MAST2: variants seen among roughly 807,000 people sequenced by gnomAD.
MAST2 encodes microtubule-associated serine/threonine-protein kinase 2.
MAST2 carries 70 observed loss-of-function variants against 147.4 expected under a neutral mutation model. The observed-to-expected ratio is 0.47, with a 90% CI of 0.39 to 0.58. The LOEUF (loss-of-function observed/expected upper bound fraction) is 0.58. Ranked by LOEUF, MAST2 falls within the 20% of genes least tolerant of loss-of-function variation. The pLI, the probability that MAST2 is intolerant of heterozygous loss-of-function variation, is 0.00. For synonymous variants in MAST2, 869 were observed against 896.8 expected (o/e 0.97, Z 0.55); for missense variants, 2,080 against 2,302.3 (o/e 0.90, Z 1.98).
At chr1:45,901,838 A>C (rs1649817063) in intron 4 of MAST2, among the ~76,000 whole-genome samples, 1 of 152,196 alleles carries the variant, frequency 6.6e-6, no homozygotes, top group South Asian at 2.1e-4. Context: ...TATATCCTGA[A>C]ACTTTACTAA....
At position 45,971,166 on chromosome 1, in the gene MAST2, T is replaced by TTGTAGTTGCAGCCCACTGGA. The variant is rs1276171049; in HGVS notation, c.592+11712_592+11731dup. ...TTCTCTAGGCTGGATTCAGGACTTG[T>TTGTAGTTGCAGCCCACTGGA]TGTAGTTGCAGCCCACTGGATGTAG... On this transcript the variant is annotated intron_variant, in intron 5 of 28. Coordinates refer to ENST00000361297, the MANE Select transcript of MAST2 (RefSeq NM_015112.3). Among the ~76,000 whole-genome samples the TTGTAGTTGCAGCCCACTGGA allele has an allele frequency of 2.6e-5, 4 of 152,180 alleles. 1 individual carries two copies. In the South Asian group the frequency reaches 8.3e-4, roughly 32 times the overall value.
chr1:46,005,402 T>C (rs2149208020), intron 7 of MAST2, among the ~76,000 whole-genome samples: 1 of 151,690 alleles, frequency 6.6e-6, no homozygotes, highest in African/African-American at 2.4e-5. Flanking sequence ...ATTAGTTTGG[T>C]AAATAGAACT....
chr1:45,873,635 T>A (rs925997372), intron 3 of MAST2, among the ~76,000 whole-genome samples: 9 of 152,154 alleles, frequency 5.9e-5, no homozygotes, highest in Admixed American at 5.9e-4. Flanking sequence ...ATAATGAGGT[T>A]TAGAAAGGTT....
intron 3 of MAST2, among the ~76,000 whole-genome samples, chr1:45,863,380 A>G (rs1646041484): frequency 6.6e-6 from 1 of 152,192 alleles, no homozygotes. Flanking sequence ...TGTTTTCCCC[A>G]TAGACATAAT....
chr1:45,909,723 G>T (rs1651367125), intron 4 of MAST2, among the ~76,000 whole-genome samples: 1 of 152,108 alleles, frequency 6.6e-6, no homozygotes, highest in African/African-American at 2.4e-5. Context: ...TCACCATGTT[G>T]ACCAGGATGG....
In MAST2 at chr1:46,030,140, C is replaced by T. The variant is rs768834943; in HGVS notation, c.2455C>T (p.Arg819Ter). ...TATGTCTGGCCCAGCCCGCTCAGAG[C>T]GATACCACCACATGGACTCGGAGGA... ...DTSYFDTRSERYHHMDSEDEE... is the reference protein window; with the variant it reads ...DTSYFDTRSE Residue 819 changes from arginine (R) to a stop codon, truncating the protein, a stop_gained, in exon 21 of 29, where the codon CGA becomes TGA. Transcript: ENST00000361297. LOFTEE classifies it high-confidence loss of function. 1.5e-5 allele frequency: 24 copies of T among 1,614,208 alleles called. No homozygotes were observed. Among genetic ancestry groups the T allele is most frequent in the East Asian group, 2.2e-5 (1 of 44,882 alleles).
chr1:45,886,319 C>T (rs1570548214), intron 4 of MAST2, among the ~76,000 whole-genome samples: 1 of 36,556 alleles, frequency 2.7e-5, no homozygotes, highest in Admixed American at 2.8e-4. Flanking sequence ...TAAGTACACA[C>T]ACACACACAC....
At chr1:45,985,065 C>G (rs373477461) in intron 5 of MAST2, among the ~76,000 whole-genome samples, 158 of 152,076 alleles carry the variant, frequency 1.0e-3, no homozygotes, top group African/African-American at 3.6e-3. Flanking sequence ...AGATAAATTT[C>G]TCTTTTTTTG....
chr1:46,029,794 C>A, intron 19 of MAST2, 37 bp from the exon 20 acceptor site: 1 of 1,610,022 alleles, frequency 6.2e-7, no homozygotes, highest in Non-Finnish European at 8.5e-7. Context: ...CCATGCTGCT[C>A]ATCCTACCCC....
chr1:46,011,054 C>T, intron 10 of MAST2, 115 bp downstream of exon 10: 1 of 854,322 alleles, frequency 1.2e-6, no homozygotes, highest in African/African-American at 1.8e-5. Context: ...CTGCTTGTTA[C>T]CCACCCTCAA....
chr1:45,868,943 T>C (rs1341393868), intron 3 of MAST2, among the ~76,000 whole-genome samples: 8 of 152,214 alleles, frequency 5.3e-5, no homozygotes, highest in Admixed American at 2.0e-4. Context: ...TCTTCAGTTT[T>C]TAGTACCACT....
intron 4 of MAST2, among the ~76,000 whole-genome samples, chr1:45,924,646 A>G (rs1364763519): frequency 6.6e-6 from 1 of 152,172 alleles, no homozygotes; most frequent in Non-Finnish European, 1.5e-5. Flanking sequence ...TTTGATGAGT[A>G]TAACTATTAT....
At chr1:45,968,480 TTG>T (rs1643726505) in intron 5 of MAST2, among the ~76,000 whole-genome samples, 1 of 111,606 alleles carries the variant, frequency 9.0e-6, no homozygotes, top group Non-Finnish European at 1.8e-5. Context: ...GGTTTTTTTG[TTG>T]TTTTTTTTTT....
At chr1:45,906,561 A>G (rs1246704967) in intron 4 of MAST2, among the ~76,000 whole-genome samples, 1 of 149,670 alleles carries the variant, frequency 6.7e-6, no homozygotes, top group Non-Finnish European at 1.5e-5. Flanking sequence ...GCCTAAGTGT[A>G]CAATGTTTAT....
chr1:45,967,790 T>C (rs370673634), intron 5 of MAST2, among the ~76,000 whole-genome samples: 6 of 152,216 alleles, frequency 3.9e-5, no homozygotes, highest in Non-Finnish European at 8.8e-5. Context: ...AAAGGTCCAC[T>C]GTAATCCAAA....
At chr1:45,996,382 T>C (rs1449891468) in intron 5 of MAST2, among the ~76,000 whole-genome samples, 1 of 152,064 alleles carries the variant, frequency 6.6e-6, no homozygotes, top group African/African-American at 2.4e-5. Flanking sequence ...TTTAAAAAAA[T>C]AAGCTTTGAT....
At chr1:45,852,330 C>T (rs1237342250) in intron 3 of MAST2, among the ~76,000 whole-genome samples, 1 of 152,062 alleles carries the variant, frequency 6.6e-6, no homozygotes, top group Non-Finnish European at 1.5e-5. Flanking sequence ...CTTGCAACCA[C>T]TAATGTGTTC....
intron 1 of MAST2, among the ~76,000 whole-genome samples, chr1:45,815,205 T>C (rs1169051877): frequency 1.3e-5 from 2 of 151,486 alleles, no homozygotes; most frequent in Non-Finnish European, 2.9e-5. Context: ...TTTTTGAAAC[T>C]GTCTCCCAGT....
chr1:45,947,106 G>A (rs1658153441), intron 4 of MAST2, among the ~76,000 whole-genome samples: 1 of 152,082 alleles, frequency 6.6e-6, no homozygotes, highest in Non-Finnish European at 1.5e-5. Flanking sequence ...GGAAAGCTAT[G>A]TAGCATTTCT....
Sources: gnomAD v4.1 joint callset for allele counts (sites outside exome capture counted in the v4.1 genomes callset) on GRCh38, gnomAD v4.1.1 for gene constraint, MANE v1.5 for transcripts, NCBI Gene and HGNC (gene_info 2026-07-23, HGNC 2026-07-21) for gene names.